PPP2R2D: variants seen among roughly 807,000 people sequenced by gnomAD.
PPP2R2D encodes protein phosphatase 2 regulatory subunit Bdelta, also known as serine/threonine-protein phosphatase 2A 55 kDa regulatory subunit B delta isoform.
A neutral mutation model predicts 31.1 loss-of-function variants in PPP2R2D; 9 were observed. The ratio of observed to expected loss-of-function variants is 0.29; its 90% CI spans 0.17 to 0.51. The LOEUF (loss-of-function observed/expected upper bound fraction) is 0.51, where lower values mean the gene tolerates loss of function less well. PPP2R2D is among the 20% of genes least tolerant of loss of function. The pLI, the probability that PPP2R2D is intolerant of heterozygous loss-of-function variation, is 0.98. For synonymous variants in PPP2R2D, 179 were observed against 172.6 expected, an observed-to-expected ratio of 1.04 and a Z score of -0.29; for missense variants, 391 against 465.6, an observed-to-expected ratio of 0.84 and a Z score of 1.48.
chr10:131,911,592 C>T (rs2035684039), intron 2 of PPP2R2D: 1 of 152,264 alleles, frequency 6.6e-6, no homozygotes, highest in Non-Finnish European at 1.5e-5. Flanking sequence ...GGGCTGCTGC[C>T]ACAGATCATG....
downstream of PPP2R2D, among the ~76,000 whole-genome samples, chr10:131,964,533 T>C (rs1278006310): frequency 1.3e-5 from 2 of 152,200 alleles, no homozygotes; most frequent in Non-Finnish European, 2.9e-5. Flanking sequence ...GGCTTCGTGC[T>C]AGCCTTCCTT....
intron 8 of PPP2R2D, among the ~76,000 whole-genome samples, chr10:131,948,345 T>G (rs1477475355): frequency 1.3e-4 from 2 of 15,896 alleles, no homozygotes; most frequent in Non-Finnish European, 2.2e-4. Flanking sequence ...AGAGTTACGT[T>G]TTTTTTATTA....
At chr10:131,903,466 CAAA>C (rs1175160035) in intron 2 of PPP2R2D, among the ~76,000 whole-genome samples, 12,646 of 73,924 alleles carry the variant, frequency 0.17, 513 homozygotes, top group Non-Finnish European at 0.21. Flanking sequence ...GGCTCCATCT[CAAA>C]AAAAAAAAAA....
In PPP2R2D at chr10:131,956,040, G is replaced by A. The variant is rs557997362; in HGVS notation, c.*77G>A. 1 of 1,359,996 alleles carries A rather than the reference G, an allele frequency of 7.4e-7. No individual in the cohort carries two copies. Among genetic ancestry groups the A allele is most frequent in the Non-Finnish European group, 9.5e-7 (1 of 1,049,840 alleles). 84.2% of individuals were successfully genotyped at this position (1,359,996 alleles called of 1,614,324 possible). The stretch of plus-strand genomic sequence containing the variant: ...TTTCTGTCAGAGAAAAGGCATCATT[G>A]TCCGCTCCATTAAGAACAGTGACGC... On this transcript the variant is annotated 3_prime_UTR_variant, in exon 9 of 9. Coordinates refer to ENST00000455566, the MANE Select transcript of PPP2R2D (RefSeq NM_018461.5).
intron 2 of PPP2R2D, among the ~76,000 whole-genome samples, chr10:131,913,702 G>T (rs2119754076): frequency 6.6e-6 from 1 of 152,202 alleles, no homozygotes; most frequent in East Asian, 1.9e-4. Context: ...AAGCCCAGGT[G>T]GTAGGGCTCA....
intron 8 of PPP2R2D, among the ~76,000 whole-genome samples, chr10:131,949,082 C>A (rs1217014527): frequency 3.3e-5 from 5 of 152,220 alleles, no homozygotes; most frequent in Non-Finnish European, 7.3e-5. Context: ...CGGCGTGTTT[C>A]CAGATCTGGC....
chr10:131,915,192 TAAAAG>T (rs1554892903), intron 2 of PPP2R2D, among the ~76,000 whole-genome samples: 4 of 152,010 alleles, frequency 2.6e-5, no homozygotes, highest in Admixed American at 2.0e-4. Context: ...TAACTAGATT[TAAAAG>T]AAAGCAAAAC....
chr10:131,956,016 T>G lies in PPP2R2D; in HGVS notation c.*53T>G. The G allele has an allele frequency of 1.4e-6, 2 of 1,380,392 alleles. No individual in the cohort carries two copies. The highest frequency in any genetic ancestry group is 1.5e-5 in the African/African-American group (1 of 68,128). 85.5% of individuals were successfully genotyped at this position (1,380,392 alleles called of 1,614,324 possible). ...TCTTGCATAGTTAAGCCGGACATTTTTCTGTCAGAGAAAAGGCATCATTGT... is the reference window on the plus strand; with the variant it reads ...TCTTGCATAGTTAAGCCGGACATTTGTCTGTCAGAGAAAAGGCATCATTGT... On this transcript the variant is annotated 3_prime_UTR_variant, in exon 9 of 9. Transcript: ENST00000455566.
intron 2 of PPP2R2D, chr10:131,911,575 G>C (rs923318741): frequency 2.6e-5 from 4 of 152,386 alleles, no homozygotes; most frequent in African/African-American, 7.2e-5. Context: ...GTGGAGAGGA[G>C]AGCTCGGGGC....
At chr10:131,970,718 T>A in the PPP2R2D span, 13 of 1,614,232 alleles carry the variant, frequency 8.1e-6, 1 homozygote, top group East Asian at 1.6e-4. The surrounding 1 kb of genome is among the most constrained non-coding windows in gnomAD (Gnocchi z 4.1). Context: ...ATATGCCCCC[T>A]TTCTTCATGA....
chr10:131,967,265 A>C, the PPP2R2D span: 1 of 152,232 alleles, frequency 6.6e-6, no homozygotes, highest in Non-Finnish European at 1.5e-5. Context: ...GATGGTGACC[A>C]GGGGGTTCAC....
intron 2 of PPP2R2D, among the ~76,000 whole-genome samples, chr10:131,901,756 G>A (rs1234466650): frequency 1.3e-5 from 2 of 152,144 alleles, no homozygotes; most frequent in Admixed American, 6.5e-5. Flanking sequence ...CAGAGGCTGG[G>A]AACGCGCCTA....
intron 4 of PPP2R2D, 115 bp downstream of exon 4, chr10:131,940,311 G>T: frequency 1.8e-6 from 1 of 568,390 alleles, no homozygotes; most frequent in Non-Finnish European, 3.2e-6. Flanking sequence ...TTTGGGGGGA[G>T]GGTAAGTTAT....
At chr10:131,963,556 C>T (rs1013392775), downstream of PPP2R2D, among the ~76,000 whole-genome samples, 24 of 152,348 alleles carry the variant, frequency 1.6e-4, no homozygotes, top group African/African-American at 5.3e-4. Context: ...CGCGTCTGGG[C>T]GGGCTGTCCA....
intron 2 of PPP2R2D, among the ~76,000 whole-genome samples, chr10:131,933,400 C>T (rs552371101): frequency 2.0e-5 from 3 of 152,298 alleles, no homozygotes; most frequent in East Asian, 3.9e-4. Context: ...CTACTATAAA[C>T]GTACCGTGGG....
intron 8 of PPP2R2D, among the ~76,000 whole-genome samples, chr10:131,951,891 G>A (rs1297148015): frequency 6.6e-6 from 1 of 152,220 alleles, no homozygotes; most frequent in African/African-American, 2.4e-5. Flanking sequence ...ACTCTAGCAA[G>A]TGAGGACCCC....
At chr10:131,928,380 G>C (rs1333370853) in intron 2 of PPP2R2D, among the ~76,000 whole-genome samples, 1 of 152,242 alleles carries the variant, frequency 6.6e-6, no homozygotes, top group African/African-American at 2.4e-5. Flanking sequence ...TCCAGAACTA[G>C]CCGAAGAGGA....
chr10:131,901,301 AG>A lies in PPP2R2D; in HGVS notation c.76del (p.Ala26ProfsTer68). The A allele has an allele frequency of 5.6e-6, 2 of 357,658 alleles. No homozygotes were observed. The highest frequency in any genetic ancestry group is 2.1e-5 in the African/African-American group (1 of 46,674). The allele number at this position is 357,658 out of a possible 1,614,324, so 22.2% of individuals were successfully genotyped here. On this transcript the variant is annotated frameshift_variant, in exon 2 of 9. Transcript: ENST00000455566. LOFTEE classifies it high-confidence loss of function. ...TTCCAGTGGTGCTTCTCGCAGGTCA[AG>A]GGGGCCATCGACGAGGACGTGGCCG... Reference protein sequence around the residue: ...NDFQWCFSQVKGAIDEDVAEA... With the variant: ...NDFQWCFSQVXGAIDEDVAEA...
At position 131,957,594 on chromosome 10, in the gene PPP2R2D, A is replaced by T. The variant is rs2036827353; in HGVS notation, c.*1631A>T. 6.3e-6 allele frequency: 1 copy of T among 158,520 alleles called. No individual in the cohort carries two copies. The highest frequency in any genetic ancestry group is 2.8e-5 in the African/African-American group (1 of 35,770). The allele number at this position is 158,520 out of a possible 1,614,324, so 9.8% of individuals were successfully genotyped here. A position where few individuals can be genotyped will look rare whatever the true frequency, so the allele number is the denominator to read the frequency against. On this transcript the variant is annotated 3_prime_UTR_variant, in exon 9 of 9. Transcript: ENST00000455566. ...GTGCTGATCCCCCATCTCCCTGTGG[A>T]GATGAAGGTGTGTGCTGATCCCCAT...
Sources: gnomAD v4.1 joint callset for allele counts (sites outside exome capture counted in the v4.1 genomes callset) on GRCh38, gnomAD v4.1.1 for gene constraint, Gnocchi (gnomAD v3.1) non-coding constraint, MANE v1.5 for transcripts, NCBI Gene and HGNC (gene_info 2026-07-23, HGNC 2026-07-21) for gene names.